Variants in LRRC37A3 observed in about 807,000 individuals in gnomAD.
LRRC37A3 encodes the protein leucine-rich repeat-containing protein 37A3.
A neutral mutation model predicts 106.2 loss-of-function variants in LRRC37A3; 25 were observed. The observed-to-expected ratio is 0.24, with a 90% CI of 0.17 to 0.33. LRRC37A3 has a LOEUF of 0.33. LRRC37A3 is among the 10% of genes least tolerant of loss of function. The pLI, the probability that LRRC37A3 is intolerant of heterozygous loss-of-function variation, is 1.00. For synonymous variants in LRRC37A3, 305 were observed against 635.8 expected (o/e 0.48, Z 7.83); for missense variants, 712 against 1,644.9 (o/e 0.43, Z 9.81).
At chr17:64,857,935 G>C (rs1440035793) in intron 13 of LRRC37A3, among the ~76,000 whole-genome samples, 1 of 152,170 alleles carries the variant, frequency 6.6e-6, no homozygotes, top group African/African-American at 2.4e-5. Flanking sequence ...CATCAAGGTT[G>C]CCAGCTTTAT....
rs773943332 is a variant in LRRC37A3, at chr17:64,859,436, C to T, written c.4704+6G>A. ...TCTGGGTCTCATGTTTCTGTGTAGT[C>T]CTCACCTCAAGCGACTTCTCTTTCT... On this transcript the variant is annotated splice_donor_region_variant and intron_variant, in intron 12 of 14. Coordinates refer to ENST00000584306, the MANE Select transcript of LRRC37A3 (RefSeq NM_199340.5). The T allele has an allele frequency of 8.7e-7, 1 of 1,155,840 alleles. No individual in the cohort carries two copies. Among genetic ancestry groups the T allele is most frequent in the Non-Finnish European group, 1.3e-6 (1 of 785,764 alleles). 71.6% of individuals were successfully genotyped at this position (1,155,840 alleles called of 1,614,324 possible). A position where few individuals can be genotyped will look rare whatever the true frequency, so the allele number is the denominator to read the frequency against.
intron 2 of LRRC37A3, among the ~76,000 whole-genome samples, chr17:64,912,992 A>C (rs1366327727): frequency 6.6e-6 from 1 of 150,666 alleles, no homozygotes; most frequent in African/African-American, 2.4e-5. Flanking sequence ...TTATACTACT[A>C]ATATAAAACA....
chr17:64,869,532 ATTTTTTTTT>A (rs1157660467), intron 8 of LRRC37A3, among the ~76,000 whole-genome samples: 1 of 125,122 alleles, frequency 8.0e-6, no homozygotes, highest in Non-Finnish European at 1.7e-5. Flanking sequence ...TTGTTCATCT[ATTTTTTTTT>A]TTTTTTTTTT....
At chr17:64,910,937 T>G (rs1175601610) in intron 2 of LRRC37A3, among the ~76,000 whole-genome samples, 2 of 151,772 alleles carry the variant, frequency 1.3e-5, no homozygotes, top group Non-Finnish European at 2.9e-5. Flanking sequence ...CCACCATGCC[T>G]GGCCTATAGA....
intron 8 of LRRC37A3, chr17:64,871,526 G>C (rs1973311780): frequency 6.6e-6 from 1 of 151,806 alleles, no homozygotes; most frequent in Non-Finnish European, 1.5e-5. Context: ...GCCCAGGCTG[G>C]AGAGCAGTGG....
chr17:64,904,053 C>T (rs1218755340), intron 2 of LRRC37A3, among the ~76,000 whole-genome samples: 5 of 151,382 alleles, frequency 3.3e-5, no homozygotes, highest in Non-Finnish European at 7.4e-5. Flanking sequence ...GCAGGAGAAT[C>T]ACTTGAACCT....
intron 4 of LRRC37A3, among the ~76,000 whole-genome samples, chr17:64,893,614 C>T (rs1210923484): frequency 7.6e-6 from 1 of 131,434 alleles, no homozygotes; most frequent in Non-Finnish European, 1.6e-5. Context: ...ATATACCTCC[C>T]TTTTTATGCC....
rs889558563 is a variant in LRRC37A3 at position 64,854,285 on chromosome 17, G to T, written c.*314C>A. 1 of 505,752 alleles carries T rather than the reference G, an allele frequency of 2.0e-6. No homozygotes were observed. The highest frequency in any genetic ancestry group is 3.6e-6 in the Non-Finnish European group (1 of 280,910). 31.3% of individuals were successfully genotyped at this position (505,752 alleles called of 1,614,324 possible). ...TAGGCCCAGTGATCCTATGATAGGG[G>T]CCAGGAGATGGGAGGTCCCCTGTGG... On this transcript the variant is annotated 3_prime_UTR_variant, in exon 15 of 15. Coordinates refer to ENST00000584306, the MANE Select transcript of LRRC37A3 (RefSeq NM_199340.5).
chr17:64,906,828 T>G, intron 2 of LRRC37A3, among the ~76,000 whole-genome samples: 1 of 121,372 alleles, frequency 8.2e-6, no homozygotes, highest in African/African-American at 3.4e-5. Flanking sequence ...GCCTCCCGGG[T>G]TCACGCCATT....
At chr17:64,866,968 T>G (rs1973137592) in intron 10 of LRRC37A3, among the ~76,000 whole-genome samples, 2 of 150,520 alleles carry the variant, frequency 1.3e-5, no homozygotes, top group African/African-American at 2.4e-5. Flanking sequence ...AAATAAAAAA[T>G]AAAAAAGATA....
At chr17:64,919,033 G>A (rs536177556) in intron 1 of LRRC37A3, among the ~76,000 whole-genome samples, 163 bp from the exon 2 acceptor site, 207 of 152,140 alleles carry the variant, frequency 1.4e-3, no homozygotes, top group Non-Finnish European at 2.2e-3. Context: ...CGGCGGCGGC[G>A]GCTTTCTCCG....
intron 2 of LRRC37A3, among the ~76,000 whole-genome samples, chr17:64,917,468 A>G (rs1312513838): frequency 6.6e-6 from 1 of 152,002 alleles, no homozygotes; most frequent in East Asian, 1.9e-4. Context: ...ACATTATGGA[A>G]ATGTTTACGG....
At chr17:64,916,764 C>T (rs1240482334) in intron 2 of LRRC37A3, among the ~76,000 whole-genome samples, 2 of 142,100 alleles carry the variant, frequency 1.4e-5, no homozygotes, top group African/African-American at 5.4e-5. Flanking sequence ...CCAGCCTGGG[C>T]AACAGAGCAA....
chr17:64,854,442 T>TA lies in LRRC37A3; in HGVS notation c.*156dup. On this transcript the variant is annotated 3_prime_UTR_variant, in exon 15 of 15. Coordinates refer to ENST00000584306, the MANE Select transcript of LRRC37A3 (RefSeq NM_199340.5). The stretch of plus-strand genomic sequence containing the variant: ...ATGTTTTCAGGTCTGGGTGACTAAT[T>TA]AGACTGGGAAACAAGGGCAGGAACG... 1 of 1,073,246 alleles carries TA rather than the reference T, an allele frequency of 9.3e-7. No homozygotes were observed. Among genetic ancestry groups the TA allele is most frequent in the Non-Finnish European group, 1.4e-6 (1 of 727,664 alleles). The allele number at this position is 1,073,246 out of a possible 1,614,324, so 66.5% of individuals were successfully genotyped here. A position where few individuals can be genotyped will look rare whatever the true frequency, so the allele number is the denominator to read the frequency against.
chr17:64,858,197 G>A (rs940364573), intron 13 of LRRC37A3, among the ~76,000 whole-genome samples: 1 of 152,196 alleles, frequency 6.6e-6, no homozygotes, highest in Non-Finnish European at 1.5e-5. Context: ...GCTAGAGTAT[G>A]AGATGTTCCC....
intron 8 of LRRC37A3, among the ~76,000 whole-genome samples, chr17:64,881,795 G>T (rs1973708856): frequency 6.6e-6 from 1 of 150,846 alleles, no homozygotes; most frequent in Non-Finnish European, 1.5e-5. Flanking sequence ...TGGACACAGT[G>T]CCGGTGCTCA....
chr17:64,858,878 T>C lies in LRRC37A3; in HGVS notation c.4710A>G (p.Thr1570=), dbSNP rs936504972. The C allele has an allele frequency of 2.5e-6, 4 of 1,602,030 alleles. No individual in the cohort carries two copies. The highest frequency in any genetic ancestry group is 2.7e-5 in the African/African-American group (2 of 73,804). ...SEQKEKSLEF[T]KELPGYGYTK... ...TATAGCCATATCCTGGAAGTTCTTTTGTGAACTAAAAAAAAAAAAACCAGA... is the reference window on the plus strand; with the variant it reads ...TATAGCCATATCCTGGAAGTTCTTTCGTGAACTAAAAAAAAAAAAACCAGA... The change falls in exon 13 of 15, where the codon ACA becomes ACG. Residue 1570 remains threonine (T), a synonymous_variant. Coordinates refer to ENST00000584306, the MANE Select transcript of LRRC37A3 (RefSeq NM_199340.5).
intron 8 of LRRC37A3, among the ~76,000 whole-genome samples, chr17:64,877,452 T>A (rs1352844199): frequency 6.6e-6 from 1 of 152,150 alleles, no homozygotes; most frequent in Non-Finnish European, 1.5e-5. Context: ...TCTGCCTGCC[T>A]CAGCCTCCCA....
In LRRC37A3 at chr17:64,918,754, G is replaced by A; in HGVS notation, c.-500C>T. 1 of 464,820 alleles carries A rather than the reference G, an allele frequency of 2.2e-6. No individual in the cohort carries two copies. Among genetic ancestry groups the A allele is most frequent in the South Asian group, 2.3e-5 (1 of 44,116 alleles). 28.8% of individuals were successfully genotyped at this position (464,820 alleles called of 1,614,324 possible). On this transcript the variant is annotated 5_prime_UTR_variant, in exon 2 of 15. Coordinates refer to ENST00000584306, the MANE Select transcript of LRRC37A3 (RefSeq NM_199340.5). ...GTAAAAAATACATACATATACCTGT[G>A]CCAGGTGCAGTGGCTCACGCCTATA...
Sources: allele counts gnomAD v4.1 joint callset (sites outside exome capture counted in the v4.1 genomes callset), GRCh38; gene constraint gnomAD v4.1.1; transcripts MANE v1.5; gene names NCBI Gene and HGNC (gene_info 2026-07-23, HGNC 2026-07-21).